VTI1A: variants seen among roughly 807,000 people sequenced by gnomAD.
The protein encoded by VTI1A is vesicle transport through interaction with t-SNAREs 1A, also known as vesicle transport through interaction with t-SNAREs homolog 1A.
Under a neutral mutation model 34.9 loss-of-function variants are expected in VTI1A, and 22 were observed. The ratio of observed to expected loss-of-function variants is 0.63; its 90% confidence interval spans 0.45 to 0.90. VTI1A has a LOEUF of 0.90. Ranked by LOEUF, VTI1A falls within the 40% of genes least tolerant of loss-of-function variation. The pLI is 0.00. For missense variants in VTI1A, 268 were observed against 275.6 expected, an observed-to-expected ratio of 0.97 and a Z score of 0.20; for synonymous variants, 87 against 97.3, an observed-to-expected ratio of 0.89 and a Z score of 0.62.
At chr10:112,693,941 G>A (rs1848694891) in intron 7 of VTI1A, among the ~76,000 whole-genome samples, 1 of 152,146 alleles carries the variant, frequency 6.6e-6, no homozygotes, top group South Asian at 2.1e-4. Flanking sequence ...AGGCTCGGTG[G>A]CTCACCCCTG....
At chr10:112,551,286 AT>A (rs897897884) in intron 5 of VTI1A, among the ~76,000 whole-genome samples, 3 of 141,916 alleles carry the variant, frequency 2.1e-5, no homozygotes, top group Non-Finnish European at 3.1e-5. Flanking sequence ...CAATGGAGCT[AT>A]TTTTTTTTAA....
chr10:112,852,298 T>A, the VTI1A span, among the ~76,000 whole-genome samples: 1 of 152,212 alleles, frequency 6.6e-6, no homozygotes, highest in Admixed American at 6.5e-5. Flanking sequence ...CCCTATCTGC[T>A]CCCCTTCCCC....
intron 1 of VTI1A, 132 bp downstream of exon 1, chr10:112,447,599 G>T (rs1205848049): frequency 9.5e-7 from 1 of 1,050,080 alleles, no homozygotes; most frequent in East Asian, 2.6e-5. Context: ...TCCCAGGAGG[G>T]ATACGGCTTG....
intron 5 of VTI1A, among the ~76,000 whole-genome samples, chr10:112,560,772 T>C (rs1203824444): frequency 6.6e-6 from 1 of 151,906 alleles, no homozygotes. Flanking sequence ...AATTTTTGTA[T>C]TTTTAGTAGA....
intron 7 of VTI1A, among the ~76,000 whole-genome samples, chr10:112,720,179 A>T (rs1849751824): frequency 6.6e-6 from 1 of 152,256 alleles, no homozygotes; most frequent in Non-Finnish European, 1.5e-5. Flanking sequence ...ACATTTATGT[A>T]CAAGTTTTTG....
chr10:112,614,180 G>A (rs1213024418), intron 5 of VTI1A, among the ~76,000 whole-genome samples: 2 of 152,274 alleles, frequency 1.3e-5, no homozygotes, highest in East Asian at 1.9e-4. Context: ...ACCCTCATTT[G>A]TACCTGTGCC....
intron 7 of VTI1A, among the ~76,000 whole-genome samples, chr10:112,763,041 A>G (rs1455154411): frequency 1.3e-5 from 2 of 152,124 alleles, no homozygotes; most frequent in East Asian, 3.8e-4. Flanking sequence ...AGCCCCTGCC[A>G]CTTGGCTCTG....
At chr10:112,464,420 C>T in intron 2 of VTI1A, 127 bp from the exon 3 acceptor site, 1 of 743,218 alleles carries the variant, frequency 1.3e-6, no homozygotes, top group Non-Finnish European at 2.2e-6. Context: ...TTTGATCATT[C>T]AGCACCCTGA....
In VTI1A at chr10:112,603,975, G is replaced by A. The variant is rs139213295; in HGVS notation, c.428-64243G>A. ...ACTGTTTCCCCCTGAGCATTTTCCT[G>A]TGTCCAGTGTGCTGTCTTTTAGGAT... is the stretch of plus-strand genomic sequence containing the variant. On this transcript the variant is annotated intron_variant, in intron 5 of 7. Coordinates refer to ENST00000393077, the MANE Select transcript of VTI1A (RefSeq NM_145206.4). Among the ~76,000 whole-genome samples, 15 of 152,292 alleles carry A rather than the reference G, an allele frequency of 9.8e-5. No homozygotes were observed. In the East Asian group the frequency reaches 2.9e-3, roughly 29 times the overall value.
chr10:112,805,336 A>G (rs1343171162), intron 7 of VTI1A, among the ~76,000 whole-genome samples: 2 of 152,234 alleles, frequency 1.3e-5, no homozygotes, highest in Non-Finnish European at 2.9e-5. Flanking sequence ...ATTCAAAATT[A>G]TACAACTCAG....
chr10:112,802,297 G>A (rs902905164), intron 7 of VTI1A, among the ~76,000 whole-genome samples: 1 of 152,096 alleles, frequency 6.6e-6, no homozygotes, highest in Admixed American at 6.6e-5. Flanking sequence ...AGAAAATAAT[G>A]TGAAGATGTC....
chr10:112,538,389 A>G, intron 5 of VTI1A, 59 bp downstream of exon 5: 4 of 1,495,922 alleles, frequency 2.7e-6, no homozygotes, highest in Non-Finnish European at 3.7e-6. Flanking sequence ...TTCACAACAC[A>G]TGACATTTCA....
At chr10:112,522,335 T>G (rs968158620) in intron 3 of VTI1A, among the ~76,000 whole-genome samples, 5 of 152,058 alleles carry the variant, frequency 3.3e-5, no homozygotes, top group Non-Finnish European at 7.4e-5. Context: ...GAGAAATCTA[T>G]TAACCAATTC....
chr10:112,543,978 T>C (rs1850970648), intron 5 of VTI1A, among the ~76,000 whole-genome samples: 1 of 152,122 alleles, frequency 6.6e-6, no homozygotes, highest in Admixed American at 6.5e-5. Context: ...TCTCAAAGAT[T>C]AGTTGATTGT....
chr10:112,741,343 T>C (rs1434360262), intron 7 of VTI1A, among the ~76,000 whole-genome samples: 1 of 152,130 alleles, frequency 6.6e-6, no homozygotes, highest in Non-Finnish European at 1.5e-5. Flanking sequence ...TAATCCCAGC[T>C]ACTCAGGAGG....
chr10:112,618,518 T>TAGAGAGAGAGAGAGAGAGAGAGAGAG (rs1229141246), intron 5 of VTI1A, among the ~76,000 whole-genome samples: 3 of 47,476 alleles, frequency 6.3e-5, no homozygotes, highest in East Asian at 8.3e-4. Flanking sequence ...TATATATATA[T>TAGAGAGAGAGAGAGAGAGAGAGAGAG]ATATATAGAG....
intron 3 of VTI1A, among the ~76,000 whole-genome samples, chr10:112,479,226 A>G (rs1848383819): frequency 6.6e-6 from 1 of 152,150 alleles, no homozygotes. Flanking sequence ...CTGGCCTAAT[A>G]TATACTATAT....
chr10:112,471,171 G>A (rs903412756), intron 3 of VTI1A, among the ~76,000 whole-genome samples: 4 of 151,928 alleles, frequency 2.6e-5, no homozygotes, highest in African/African-American at 4.8e-5. Context: ...TCTTCATTAC[G>A]GTGGCTTATC....
chr10:112,646,814 A>G (rs1846809801), intron 5 of VTI1A, among the ~76,000 whole-genome samples: 1 of 152,198 alleles, frequency 6.6e-6, no homozygotes, highest in Middle Eastern at 3.4e-3. Flanking sequence ...CCCGGCTACC[A>G]TGTTCTTTTG....
Sources: gnomAD v4.1 joint callset for allele counts (sites outside exome capture counted in the v4.1 genomes callset) on GRCh38, gnomAD v4.1.1 for gene constraint, MANE v1.5 for transcripts, NCBI Gene and HGNC (gene_info 2026-07-23, HGNC 2026-07-21) for gene names.